AK9: variants seen among roughly 807,000 people sequenced by gnomAD.
AK9 encodes the protein adenylate kinase 9.
Under a neutral mutation model 239.6 loss-of-function variants are expected in AK9, and 191 were observed. The ratio of observed to expected loss-of-function variants is 0.80; its 90% confidence interval spans 0.71 to 0.90. The LOEUF (loss-of-function observed/expected upper bound fraction) is 0.90, where lower values mean the gene tolerates loss of function less well. AK9 is among the 40% of genes least tolerant of loss of function. AK9 has a pLI of 0.00. For missense variants in AK9, 1,995 were observed against 2,214.7 expected, an observed-to-expected ratio of 0.90 and a Z score of 1.99; for synonymous variants, 689 against 721.0, an observed-to-expected ratio of 0.96 and a Z score of 0.71.
chr6:109,606,452 T>C (rs1294447812), intron 17 of AK9, among the ~76,000 whole-genome samples: 1 of 152,064 alleles, frequency 6.6e-6, no homozygotes, highest in Non-Finnish European at 1.5e-5. Context: ...AGGGAAACCA[T>C]GTAGACAGAG....
Position 109,533,357 on chromosome 6 carries a change from T to A in AK9, c.3464A>T (p.Asp1155Val). ...GGCAGGAAGGAGGCGATCAAAAATA[T>A]CTTGATCATCAACTTGTATAAAAAC... is the stretch of plus-strand genomic sequence containing the variant. ...AAVFIQVDDQ[D>V]IFDRLLPAQI... is the part of the protein sequence containing the mutation. Residue 1155 changes from aspartate to valine, a missense_variant, in exon 28 of 41, where the codon GAT becomes GTT. Around this residue, in one of 5 missense-constraint regions of AK9, gnomAD observed 1,290 missense variants for 1,392.7 expected, o/e 0.93. Coordinates refer to ENST00000424296, the MANE Select transcript of AK9 (RefSeq NM_001145128.3). 1.2e-6 allele frequency: 2 copies of A among 1,611,906 alleles called. No individual in the cohort carries two copies. Among genetic ancestry groups the A allele is most frequent in the South Asian group, 1.1e-5 (1 of 90,382 alleles).
At chr6:109,493,890 C>T in intron 40 of AK9, 91 bp downstream of exon 40, 1 of 934,662 alleles carries the variant, frequency 1.1e-6, no homozygotes. Flanking sequence ...TCTCACCAAG[C>T]AGGCAACACA....
At chr6:109,651,744 A>T (rs1798979998) in intron 8 of AK9, among the ~76,000 whole-genome samples, 1 of 152,186 alleles carries the variant, frequency 6.6e-6, no homozygotes, top group African/African-American at 2.4e-5. Flanking sequence ...GGATATCACC[A>T]CCGATCCCAC....
At chr6:109,659,436 C>A in intron 6 of AK9, 23 bp from the exon 7 acceptor site, 2 of 1,575,358 alleles carry the variant, frequency 1.3e-6, no homozygotes, top group South Asian at 1.2e-5. Flanking sequence ...ATTATTAAAT[C>A]ACTTAAAACA....
chr6:109,649,396 T>A (rs982387455), intron 8 of AK9, among the ~76,000 whole-genome samples: 14 of 152,170 alleles, frequency 9.2e-5, no homozygotes, highest in African/African-American at 3.4e-4. Context: ...CAGCAAAGTC[T>A]CAGGATACAA....
chr6:109,656,180 T>C (rs988258249), intron 8 of AK9, among the ~76,000 whole-genome samples: 5 of 152,186 alleles, frequency 3.3e-5, no homozygotes, highest in Non-Finnish European at 5.9e-5. Flanking sequence ...GAGTCTTACC[T>C]GGACTTTTTA....
At chr6:109,526,969 C>T (rs1780600740) in intron 29 of AK9, among the ~76,000 whole-genome samples, 1 of 152,136 alleles carries the variant, frequency 6.6e-6, no homozygotes, top group African/African-American at 2.4e-5. Context: ...CCCTCAGTAC[C>T]TATGAACAAT....
chr6:109,655,328 A>G (rs1017061879), intron 8 of AK9, among the ~76,000 whole-genome samples: 11 of 152,178 alleles, frequency 7.2e-5, no homozygotes, highest in South Asian at 2.1e-4. Flanking sequence ...CAGGCTTATC[A>G]TTCTTCATTT....
At chr6:109,538,434 C>A (rs1300545412) in intron 27 of AK9, among the ~76,000 whole-genome samples, 4 of 151,970 alleles carry the variant, frequency 2.6e-5, no homozygotes, top group Non-Finnish European at 5.9e-5. Flanking sequence ...CAACATCTGC[C>A]TTTTTTTGTT....
At chr6:109,614,104 C>G in intron 15 of AK9, 79 bp downstream of exon 15, 1 of 1,367,342 alleles carries the variant, frequency 7.3e-7, no homozygotes, top group East Asian at 2.5e-5. Flanking sequence ...TAATTTTAAG[C>G]ATAAATATAA....
intron 10 of AK9, among the ~76,000 whole-genome samples, chr6:109,639,814 C>T (rs994627717): frequency 4.6e-5 from 7 of 152,048 alleles, no homozygotes; most frequent in African/African-American, 7.2e-5. Context: ...CCATCTTGAA[C>T]TAATTTTTGT....
chr6:109,516,989 G>A (rs9400288), intron 29 of AK9, among the ~76,000 whole-genome samples: 5 of 151,908 alleles, frequency 3.3e-5, no homozygotes, highest in Non-Finnish European at 5.9e-5. Context: ...CAACTTCTGC[G>A]TTCCTTCATT....
At chr6:109,584,900 A>T (rs1789297388) in intron 19 of AK9, among the ~76,000 whole-genome samples, 1 of 152,136 alleles carries the variant, frequency 6.6e-6, no homozygotes, top group South Asian at 2.1e-4. Context: ...TGCTTGATTT[A>T]GAATAAGTTT....
intron 29 of AK9, among the ~76,000 whole-genome samples, chr6:109,525,089 C>T (rs1240340485): frequency 6.6e-6 from 1 of 152,092 alleles, no homozygotes; most frequent in African/African-American, 2.4e-5. Flanking sequence ...ATATGGATAA[C>T]CAGTTATCCC....
At chr6:109,500,061 A>ACACACACT (rs1777453926) in intron 35 of AK9, among the ~76,000 whole-genome samples, 1 of 151,720 alleles carries the variant, frequency 6.6e-6, no homozygotes, top group African/African-American at 2.4e-5. Flanking sequence ...ACACACACAC[A>ACACACACT]CACACACACA....
chr6:109,526,030 A>G (rs534509061), intron 29 of AK9, among the ~76,000 whole-genome samples: 77 of 152,196 alleles, frequency 5.1e-4, no homozygotes, highest in Non-Finnish European at 1.0e-3. Context: ...GCAAGTTAAC[A>G]CAGGAACAGA....
At chr6:109,585,275 G>A in intron 18 of AK9, 38 bp from the exon 19 acceptor site, 1 of 650,826 alleles carries the variant, frequency 1.5e-6, no homozygotes. Context: ...TACTTTTGTA[G>A]CTTATAAAAT....
At chr6:109,507,584 G>T (rs1778241563) in intron 33 of AK9, among the ~76,000 whole-genome samples, 1 of 152,152 alleles carries the variant, frequency 6.6e-6, no homozygotes, top group African/African-American at 2.4e-5. Flanking sequence ...AAAAAGGCTG[G>T]TTATAGCTTC....
intron 20 of AK9, among the ~76,000 whole-genome samples, chr6:109,575,468 T>C (rs1419571078): frequency 6.6e-6 from 1 of 152,218 alleles, no homozygotes; most frequent in African/African-American, 2.4e-5. Flanking sequence ...GCTGGCCATT[T>C]GTATATCTTC....
Sources: allele counts gnomAD v4.1 joint callset (sites outside exome capture counted in the v4.1 genomes callset), GRCh38; gene constraint gnomAD v4.1.1; regional missense constraint gnomAD v4.1.1; transcripts MANE v1.5; gene names NCBI Gene and HGNC (gene_info 2026-07-23, HGNC 2026-07-21).